The following ST18 variants were observed in gnomAD, a reference collection of about 807,000 sequenced individuals.
ST18 encodes ST18 C2H2C-type zinc finger transcription factor.
A neutral mutation model predicts 110.0 loss-of-function variants in ST18; 50 were observed. That is an observed-to-expected ratio of 0.45 (90% CI 0.36 to 0.58). The LOEUF is 0.58. Among genes scored for constraint, ST18 ranks in the 20% least tolerant of loss-of-function variants. The pLI is 0.00. For synonymous variants in ST18, 461 were observed against 452.4 expected (o/e 1.02, Z -0.24); for missense variants, 1,306 against 1,280.1 (o/e 1.02, Z -0.31).
At chr8:52,204,288 C>G (rs928477171) in intron 8 of ST18, among the ~76,000 whole-genome samples, 1 of 152,194 alleles carries the variant, frequency 6.6e-6, no homozygotes, top group African/African-American at 2.4e-5. Context: ...CAACCTTCTA[C>G]CACTGAAAAT....
At chr8:52,169,559 G>T (rs551380879) in intron 10 of ST18, among the ~76,000 whole-genome samples, 2 of 152,330 alleles carry the variant, frequency 1.3e-5, no homozygotes, top group African/African-American at 4.8e-5. Context: ...CAGTGAAGTT[G>T]CATGGTCAAG....
chr8:52,278,510 A>T (rs1332476055), intron 2 of ST18, among the ~76,000 whole-genome samples: 1 of 152,196 alleles, frequency 6.6e-6, no homozygotes, highest in African/African-American at 2.4e-5. Flanking sequence ...ATAAAGCCTA[A>T]AGCTATTCAA....
At position 52,110,846 on chromosome 8, in the gene ST18, A is replaced by G. The variant is rs1171952571; in HGVS notation, c.*2352T>C. The G allele has an allele frequency of 2.6e-6, 1 of 380,350 alleles. No individual in the cohort carries two copies. Among genetic ancestry groups the G allele is most frequent in the African/African-American group, 2.1e-5 (1 of 48,226 alleles). 23.6% of individuals were successfully genotyped at this position (380,350 alleles called of 1,614,324 possible). On this transcript the variant is annotated 3_prime_UTR_variant, in exon 26 of 26. Transcript: ENST00000689386. ...AAAGATCACATCAAAACTCGTTATC[A>G]ATTTTTATTTCCTACCATACACCAA...
chr8:52,277,123 G>A (rs565111417), intron 2 of ST18, among the ~76,000 whole-genome samples: 1 of 152,356 alleles, frequency 6.6e-6, no homozygotes, highest in Admixed American at 6.5e-5. Flanking sequence ...GTCAGAGACT[G>A]CCTGAAGGAC....
chr8:52,245,249 AT>A (rs956917079), intron 2 of ST18, among the ~76,000 whole-genome samples: 17 of 151,810 alleles, frequency 1.1e-4, no homozygotes, highest in East Asian at 3.9e-4. Context: ...TTTTCAATAA[AT>A]TTTTTTTTGT....
intron 4 of ST18, among the ~76,000 whole-genome samples, chr8:52,221,131 CT>C (rs1564147425): frequency 6.6e-6 from 1 of 151,562 alleles, no homozygotes; most frequent in African/African-American, 2.4e-5. Context: ...ATCTATCTAT[CT>C]ATCTACCTAC....
chr8:52,350,673 A>T (rs1819874893), intron 2 of ST18, among the ~76,000 whole-genome samples: 1 of 151,800 alleles, frequency 6.6e-6, no homozygotes, highest in African/African-American at 2.4e-5. Flanking sequence ...TCATCCTTCT[A>T]TGCCATTTTC....
At chr8:52,137,926 A>G (rs755923349) in intron 17 of ST18, 1 of 159,714 alleles carries the variant, frequency 6.3e-6, no homozygotes, top group African/African-American at 2.4e-5. Context: ...ACATGGAGAA[A>G]CCCCATCTCT....
At chr8:52,197,889 G>GCACACACACACACACACA (rs57662247) in intron 8 of ST18, among the ~76,000 whole-genome samples, 1 of 150,150 alleles carries the variant, frequency 6.7e-6, no homozygotes, top group East Asian at 2.0e-4. Flanking sequence ...AACAAAATGA[G>GCACACACACACACACACA]CACACACACA....
At chr8:52,239,064 T>C (rs557484449) in intron 2 of ST18, among the ~76,000 whole-genome samples, 2 of 152,220 alleles carry the variant, frequency 1.3e-5, no homozygotes, top group East Asian at 3.9e-4. Flanking sequence ...CTTGAAAATA[T>C]GCTAAGTGAA....
intron 23 of ST18, among the ~76,000 whole-genome samples, chr8:52,121,049 A>T (rs775380135): frequency 2.2e-4 from 33 of 152,298 alleles, no homozygotes; most frequent in Non-Finnish European, 4.3e-4. Context: ...AACTTGTAGT[A>T]GGATAAGTAA....
intron 2 of ST18, among the ~76,000 whole-genome samples, chr8:52,344,951 A>G (rs1817040297): frequency 6.6e-6 from 1 of 152,118 alleles, no homozygotes; most frequent in African/African-American, 2.4e-5. Flanking sequence ...CCCATTGTAT[A>G]AAGAAGAAAC....
At chr8:52,406,210 A>G (rs1844429506) in intron 2 of ST18, 1 of 152,258 alleles carries the variant, frequency 6.6e-6, no homozygotes. Context: ...AATGTAAAGC[A>G]GAGGAACCTT....
At chr8:52,209,155 A>G (rs1360428095) in intron 8 of ST18, among the ~76,000 whole-genome samples, 1 of 152,216 alleles carries the variant, frequency 6.6e-6, no homozygotes, top group East Asian at 1.9e-4. Flanking sequence ...AGGCTGTTTG[A>G]AAGATAAACC....
intron 2 of ST18, among the ~76,000 whole-genome samples, chr8:52,279,481 C>T (rs926254241): frequency 4.6e-5 from 7 of 151,976 alleles, no homozygotes; most frequent in East Asian, 1.9e-4. Context: ...TAAGAAGAAT[C>T]GGGGAACTGC....
At chr8:52,175,080 CG>C (rs1485085657) in intron 9 of ST18, among the ~76,000 whole-genome samples, 2 of 152,212 alleles carry the variant, frequency 1.3e-5, no homozygotes, top group East Asian at 3.9e-4. Flanking sequence ...CTGATCCTGG[CG>C]GCCTCTCTTG....
intron 19 of ST18, among the ~76,000 whole-genome samples, chr8:52,134,581 G>A (rs561395918): frequency 6.7e-6 from 1 of 149,184 alleles, no homozygotes; most frequent in African/African-American, 2.5e-5. Context: ...TCAAGCCTGA[G>A]TCAGAAAATA....
At chr8:52,135,953 T>C (rs2052056286) in intron 19 of ST18, among the ~76,000 whole-genome samples, 1 of 152,222 alleles carries the variant, frequency 6.6e-6, no homozygotes. Context: ...TTTCTTTATC[T>C]TTTAAAATTT....
At chr8:52,233,861 A>C (rs1203840589) in intron 2 of ST18, among the ~76,000 whole-genome samples, 1 of 152,196 alleles carries the variant, frequency 6.6e-6, no homozygotes, top group Non-Finnish European at 1.5e-5. Context: ...CATTATAACT[A>C]TATATTTATG....
Sources: gnomAD v4.1 joint callset for allele counts (sites outside exome capture counted in the v4.1 genomes callset) on GRCh38, gnomAD v4.1.1 for gene constraint, MANE v1.5 for transcripts, NCBI Gene and HGNC (gene_info 2026-07-23, HGNC 2026-07-21) for gene names.